TTC23: variants seen among roughly 807,000 people sequenced by gnomAD.
TTC23 encodes the protein tetratricopeptide repeat domain 23.
Under a neutral mutation model 55.1 loss-of-function variants are expected in TTC23, and 58 were observed. The observed-to-expected ratio is 1.05, with a 90% CI of 0.85 to 1.31. The LOEUF (loss-of-function observed/expected upper bound fraction) is 1.31, where lower values mean the gene tolerates loss of function less well. Ranked by LOEUF, TTC23 falls within the 50% of genes most tolerant of loss-of-function variation. The pLI is 0.00. For synonymous variants in TTC23, 203 were observed against 199.9 expected, an observed-to-expected ratio of 1.02 and a Z score of -0.13; for missense variants, 516 against 534.4, an observed-to-expected ratio of 0.97 and a Z score of 0.34.
chr15:99,242,115 G>A (rs1416883486), intron 2 of TTC23, among the ~76,000 whole-genome samples: 3 of 137,948 alleles, frequency 2.2e-5, no homozygotes, highest in African/African-American at 5.6e-5. Context: ...CTGGGTGACA[G>A]AACAAGATCC....
rs2078666567 is a variant in TTC23 at position 99,228,613 on chromosome 15, G to C, written c.100C>G (p.Gln34Glu). Residue 34 changes from glutamine to glutamate, a missense_variant, in exon 5 of 14, where the codon CAG becomes GAG. Gln to Glu is a conservative substitution (Grantham distance 29, BLOSUM62 2). Transcript: ENST00000394132. ...CGAGGAGGCTGGAATAGTGCTGTCT[G>C]AAGCAGCTTGTTTTGGAACTTCTTT... Reference protein sequence around the residue: ...HRKKFQNKLLQTALFQPPREK... With the variant: ...HRKKFQNKLLETALFQPPREK... The C allele has an allele frequency of 1.9e-6, 3 of 1,614,062 alleles. No homozygotes were observed. The highest frequency in any genetic ancestry group is 2.5e-6 in the Non-Finnish European group (3 of 1,179,970).
At chr15:99,143,060 G>A (rs2068430923) in intron 12 of TTC23, among the ~76,000 whole-genome samples, 1 of 152,162 alleles carries the variant, frequency 6.6e-6, no homozygotes, top group Non-Finnish European at 1.5e-5. Flanking sequence ...ATGCAAAGGG[G>A]TGTCAGCTAG....
chr15:99,202,130 G>T (rs1596617295), intron 8 of TTC23, among the ~76,000 whole-genome samples: 2 of 152,146 alleles, frequency 1.3e-5, no homozygotes, highest in Admixed American at 1.3e-4. Flanking sequence ...TACAACATCT[G>T]AAATACTTAT....
At chr15:99,190,013 C>CA (rs1026236690) in intron 9 of TTC23, among the ~76,000 whole-genome samples, 29 of 151,410 alleles carry the variant, frequency 1.9e-4, no homozygotes, top group Admixed American at 1.4e-3. Flanking sequence ...CCCGTCTCTA[C>CA]AAAAAAAATA....
At chr15:99,227,045 G>T (rs1408696220) in intron 5 of TTC23, among the ~76,000 whole-genome samples, 1 of 152,238 alleles carries the variant, frequency 6.6e-6, no homozygotes, top group Admixed American at 6.5e-5. Context: ...CTTTGGGCAT[G>T]AGGGCTTAAT....
chr15:99,157,018 A>T (rs1314187257), intron 11 of TTC23, among the ~76,000 whole-genome samples: 1 of 152,062 alleles, frequency 6.6e-6, no homozygotes, highest in East Asian at 1.9e-4. Context: ...GTAAAATTTT[A>T]ATCCTCATTA....
chr15:99,141,704 A>G (rs2068250014), intron 12 of TTC23, among the ~76,000 whole-genome samples: 1 of 152,216 alleles, frequency 6.6e-6, no homozygotes, highest in South Asian at 2.1e-4. Context: ...TTAAAATGCA[A>G]GCAGCCAAAT....
chr15:99,188,298 A>G (rs1206071828), intron 9 of TTC23, among the ~76,000 whole-genome samples: 1 of 152,106 alleles, frequency 6.6e-6, no homozygotes, highest in African/African-American at 2.4e-5. Context: ...AGAAAAATCC[A>G]TAGAGATAGA....
Position 99,218,583 on chromosome 15 carries a change from C to T in TTC23, c.581+5G>A, listed in dbSNP as rs2077657004. Reference sequence around the variant, plus strand: ...TGTATGCAAAATCCTAAACTTGAAACTTACTGTGCAAATGATAATCTGATC... The same window carrying T: ...TGTATGCAAAATCCTAAACTTGAAATTTACTGTGCAAATGATAATCTGATC... On this transcript the variant is annotated splice_donor_5th_base_variant and intron_variant, in intron 8 of 13. Transcript: ENST00000394132. 1 of 1,614,158 alleles carries T rather than the reference C, an allele frequency of 6.2e-7. No individual in the cohort carries two copies. The highest frequency in any genetic ancestry group is 1.1e-5 in the South Asian group (1 of 91,070).
At chr15:99,182,022 C>T (rs1217933562) in intron 9 of TTC23, among the ~76,000 whole-genome samples, 1 of 152,054 alleles carries the variant, frequency 6.6e-6, no homozygotes, top group Non-Finnish European at 1.5e-5. Flanking sequence ...CGTTTGGTTG[C>T]AAGTATGTGT....
intron 12 of TTC23, among the ~76,000 whole-genome samples, chr15:99,145,764 T>A (rs890486696): frequency 2.0e-5 from 3 of 152,086 alleles, no homozygotes; most frequent in African/African-American, 7.2e-5. Flanking sequence ...ACACTGATCC[T>A]ATGACCAGAG....
At chr15:99,197,104 CTTTTT>C (rs71456913) in intron 9 of TTC23, among the ~76,000 whole-genome samples, 2 of 142,274 alleles carry the variant, frequency 1.4e-5, no homozygotes, top group Non-Finnish European at 1.5e-5. Context: ...GGTTTCTGTT[CTTTTT>C]TTTTTTTTTT....
chr15:99,229,768 C>G (rs2078780015), intron 4 of TTC23, among the ~76,000 whole-genome samples: 1 of 152,214 alleles, frequency 6.6e-6, no homozygotes, highest in Admixed American at 6.5e-5. Context: ...CCTGTTCCCA[C>G]CAACCAGACT....
intron 1 of TTC23, among the ~76,000 whole-genome samples, chr15:99,246,327 A>T (rs1170928229): frequency 6.6e-5 from 10 of 152,238 alleles, no homozygotes; most frequent in Non-Finnish European, 2.9e-5. Context: ...AAAAATCAGT[A>T]ACATGGGGCT....
intron 9 of TTC23, among the ~76,000 whole-genome samples, chr15:99,196,139 G>A (rs867568566): frequency 1.4e-5 from 2 of 146,912 alleles, no homozygotes; most frequent in South Asian, 2.1e-4. Flanking sequence ...GCGACACAGC[G>A]AGACTCTGTC....
At chr15:99,207,791 T>C (rs1025388387) in intron 8 of TTC23, among the ~76,000 whole-genome samples, 3 of 152,116 alleles carry the variant, frequency 2.0e-5, no homozygotes, top group African/African-American at 7.2e-5. Context: ...CCATAAGATA[T>C]AATTTTGCAT....
At chr15:99,207,006 A>G (rs1158509867) in intron 8 of TTC23, among the ~76,000 whole-genome samples, 1 of 151,926 alleles carries the variant, frequency 6.6e-6, no homozygotes, top group Non-Finnish European at 1.5e-5. Flanking sequence ...TTATGTTTCC[A>G]TTTTCATTTG....
chr15:99,246,460 A>G (rs891938457), intron 1 of TTC23, among the ~76,000 whole-genome samples: 4 of 151,942 alleles, frequency 2.6e-5, no homozygotes, highest in African/African-American at 7.3e-5. Context: ...CTAAAAATAC[A>G]AAAAATTAGC....
At chr15:99,165,927 T>A (rs2072010434) in intron 10 of TTC23, among the ~76,000 whole-genome samples, 1 of 152,202 alleles carries the variant, frequency 6.6e-6, no homozygotes, top group Admixed American at 6.5e-5. Flanking sequence ...TTCGTTATTT[T>A]AATTTTCTGG....
Sources: allele counts gnomAD v4.1 joint callset (sites outside exome capture counted in the v4.1 genomes callset), GRCh38; gene constraint gnomAD v4.1.1; transcripts MANE v1.5; gene names NCBI Gene and HGNC (gene_info 2026-07-23, HGNC 2026-07-21).